NDUFS1: variants seen among roughly 807,000 people sequenced by gnomAD.
The protein encoded by NDUFS1 is NADH-ubiquinone oxidoreductase 75 kDa subunit, mitochondrial.
In NDUFS1, 61 loss-of-function variants were observed where a neutral mutation model predicts 84.4. That is an observed-to-expected ratio of 0.72 (90% CI 0.59 to 0.89). The LOEUF is 0.89. Ranked by LOEUF, NDUFS1 falls within the 40% of genes least tolerant of loss-of-function variation. The pLI is 0.00. For missense variants in NDUFS1, 891 were observed against 890.0 expected, an observed-to-expected ratio of 1.00 and a Z score of -0.01; for synonymous variants, 275 against 290.0, an observed-to-expected ratio of 0.95 and a Z score of 0.53.
chr2:206,144,509 T>C (rs1312306574), intron 9 of NDUFS1, among the ~76,000 whole-genome samples: 2 of 152,244 alleles, frequency 1.3e-5, no homozygotes, highest in Non-Finnish European at 2.9e-5. Flanking sequence ...CAAAATTATA[T>C]TGTGCAAACT....
chr2:206,157,546 C>T (rs1559069234), intron 1 of NDUFS1, among the ~76,000 whole-genome samples: 1 of 152,148 alleles, frequency 6.6e-6, no homozygotes, highest in Non-Finnish European at 1.5e-5. Flanking sequence ...AAACTTACTC[C>T]ATTAGAGCAC....
chr2:206,129,950 A>G, intron 15 of NDUFS1, 138 bp downstream of exon 15: 2 of 805,872 alleles, frequency 2.5e-6, no homozygotes, highest in Non-Finnish European at 4.0e-6. Flanking sequence ...TGGTTTGTTT[A>G]AAAAAAAAGG....
chr2:206,148,409 T>C (rs1224210692), intron 5 of NDUFS1, among the ~76,000 whole-genome samples: 1 of 152,096 alleles, frequency 6.6e-6, no homozygotes, highest in Non-Finnish European at 1.5e-5. Context: ...TCCTCCCGAG[T>C]ATCATTCTGG....
In NDUFS1 at chr2:206,124,189, C is replaced by T; in HGVS notation, c.2180G>A (p.Cys727Tyr). ...ACTGGGATCCTAGTAGAAGCTTCAG[C>T]ATATGGATGGTTCCTCTACTGCCTG... ...GAQAVEEPSI[C>Y] Residue 727 changes from cysteine (C) to tyrosine (Y), a missense_variant, in exon 19 of 19, where the codon TGC becomes TAC. By Grantham distance (194) the Cys-to-Tyr change is radical. Transcript: ENST00000233190. The T allele has an allele frequency of 6.2e-7, 1 of 1,604,880 alleles. No homozygotes were observed. Among genetic ancestry groups the T allele is most frequent in the Non-Finnish European group, 8.5e-7 (1 of 1,171,632 alleles).
At position 206,120,479 on chromosome 2, in the gene NDUFS1, A is replaced by C. The variant is rs1691065418; in HGVS notation, c.*3706T>G. 1 of 152,188 alleles carries C rather than the reference A, an allele frequency of 6.6e-6. No homozygotes were observed. Among genetic ancestry groups the C allele is most frequent in the South Asian group, 2.1e-4 (1 of 4,832 alleles). 9.4% of individuals were successfully genotyped at this position (152,188 alleles called of 1,614,324 possible). On this transcript the variant is annotated 3_prime_UTR_variant, in exon 19 of 19. Transcript: ENST00000233190. ...GATGAGGTCTCAGATGGAAATGAGG[A>C]AGTTATTGGGAACAGGAATAAAGGT...
At position 206,130,116 on chromosome 2, in the gene NDUFS1, C is replaced by T. The variant is rs1196850738; in HGVS notation, c.1680G>A (p.Leu560=). 3 of 1,614,020 alleles carry T rather than the reference C, an allele frequency of 1.9e-6. No individual in the cohort carries two copies. Among genetic ancestry groups the T allele is most frequent in the Non-Finnish European group, 2.5e-6 (3 of 1,180,026 alleles). Residue 560 remains leucine, a synonymous_variant, in exon 15 of 19, where the codon TTG becomes TTA. Coordinates refer to ENST00000233190, the MANE Select transcript of NDUFS1 (RefSeq NM_005006.7). ...ADGGCITRQD[L]PKDCFIIYQG... ...GATAAATAATGAAACAATCCTTTGG[C>T]AAATCCTGTCGTGTGATACAACCTC... is the stretch of plus-strand genomic sequence containing the variant.
At position 206,147,655 on chromosome 2, in the gene NDUFS1, A is replaced by T; in HGVS notation, c.427T>A (p.Ser143Thr). 6.2e-7 allele frequency: 1 copy of T among 1,614,168 alleles called. No individual in the cohort carries two copies. Among genetic ancestry groups the T allele is most frequent in the Non-Finnish European group, 8.5e-7 (1 of 1,180,036 alleles). ...QGGECDLQDQ[S>T]MMFGNDRSRF... ...CTCCTATCATTTCCAAACATCATGG[A>T]CTGGTCCTTAAGTAGATTATGAAAG... The change falls in exon 7 of 19, where the codon TCC becomes ACC. Residue 143 changes from serine to threonine, a missense_variant. Ser to Thr is a moderately conservative substitution (Grantham distance 58, BLOSUM62 1). Transcript: ENST00000233190.
intron 1 of NDUFS1, among the ~76,000 whole-genome samples, chr2:206,154,137 T>G (rs767668835): frequency 6.6e-6 from 1 of 152,244 alleles, no homozygotes; most frequent in Non-Finnish European, 1.5e-5. Flanking sequence ...TGAGATATTC[T>G]GAGATAGCTC....
At chr2:206,159,093 T>C (rs1270919159) in intron 1 of NDUFS1, 1 of 1,535,714 alleles carries the variant, frequency 6.5e-7, no homozygotes, top group South Asian at 1.2e-5. Context: ...CCTGCAAGCC[T>C]ACATTCGTGA....
chr2:206,142,855 CA>C, intron 10 of NDUFS1, 24 bp from the exon 11 acceptor site: 1 of 1,613,792 alleles, frequency 6.2e-7, no homozygotes, highest in Non-Finnish European at 8.5e-7. Flanking sequence ...AAAAGGGCAT[CA>C]CCAAGAAACC....
intron 2 of NDUFS1, among the ~76,000 whole-genome samples, chr2:206,153,316 C>A (rs1358591003): frequency 6.6e-6 from 1 of 151,784 alleles, no homozygotes; most frequent in Admixed American, 6.6e-5. Context: ...GTGCCTCAGC[C>A]TCCTGTGTAG....
intron 1 of NDUFS1, 65 bp downstream of exon 1, chr2:206,159,276 A>G: frequency 2.6e-6 from 2 of 783,308 alleles, no homozygotes; most frequent in East Asian, 2.7e-5. Context: ...CAAAGGAAAC[A>G]GTCCCGTCAA....
rs1691068292 is a variant in NDUFS1 at position 206,120,612 on chromosome 2, G to A, written c.*3573C>T. ...GATGACTTAGGGTATCAGGGTATCT[G>A]GCAGAAGAAATTTCTAAGCAGCAAA... On this transcript the variant is annotated 3_prime_UTR_variant, in exon 19 of 19. Coordinates refer to ENST00000233190, the MANE Select transcript of NDUFS1 (RefSeq NM_005006.7). 1 of 152,410 alleles carries A rather than the reference G, an allele frequency of 6.6e-6. No homozygotes were observed. The highest frequency in any genetic ancestry group is 2.4e-5 in the African/African-American group (1 of 41,440). The allele number at this position is 152,410 out of a possible 1,614,324, so 9.4% of individuals were successfully genotyped here.
In NDUFS1 at chr2:206,123,788, C is replaced by T; in HGVS notation, c.*397G>A. The T allele has an allele frequency of 6.0e-6, 1 of 167,548 alleles. No homozygotes were observed. The highest frequency in any genetic ancestry group is 1.3e-5 in the Non-Finnish European group (1 of 77,942). The allele number at this position is 167,548 out of a possible 1,614,324, so 10.4% of individuals were successfully genotyped here. A position where few individuals can be genotyped will look rare whatever the true frequency, so the allele number is the denominator to read the frequency against. On this transcript the variant is annotated 3_prime_UTR_variant, in exon 19 of 19. Coordinates refer to ENST00000233190, the MANE Select transcript of NDUFS1 (RefSeq NM_005006.7). Reference sequence around the variant, plus strand: ...TGATTATGTATTTTTCCTATTTACCCAGCTTGACAAGGTGCTTAAATCTTT... The same window carrying T: ...TGATTATGTATTTTTCCTATTTACCTAGCTTGACAAGGTGCTTAAATCTTT...
chr2:206,149,242 ATT>A (rs1456308103), intron 4 of NDUFS1, 146 bp from the exon 5 acceptor site: 1 of 675,776 alleles, frequency 1.5e-6, no homozygotes, highest in Non-Finnish European at 2.5e-6. Flanking sequence ...TTAAAACTGA[ATT>A]TTGTTAAGTT....
rs778298633 is a variant in NDUFS1, at chr2:206,126,848, C to T, written c.1885-4G>A. On this transcript the variant is annotated splice_region_variant and splice_polypyrimidine_tract_variant and intron_variant, in intron 16 of 18. Coordinates refer to ENST00000233190, the MANE Select transcript of NDUFS1 (RefSeq NM_005006.7). The stretch of plus-strand genomic sequence containing the variant: ...ATGGAAGAGTCATTCCAGCAATCTA[C>T]AACATGTCAGGTCCCCAAAAACAAC... The T allele has an allele frequency of 1.2e-6, 2 of 1,613,850 alleles. No individual in the cohort carries two copies. The highest frequency in any genetic ancestry group is 1.3e-5 in the African/African-American group (1 of 74,912).
At chr2:206,127,069 A>G (rs970074082) in intron 16 of NDUFS1, among the ~76,000 whole-genome samples, 2 of 152,248 alleles carry the variant, frequency 1.3e-5, no homozygotes, top group African/African-American at 2.4e-5. Context: ...CTATGAAATG[A>G]AGAGACAATA....
At chr2:206,151,107 C>T (rs1007179836) in intron 3 of NDUFS1, among the ~76,000 whole-genome samples, 31 of 152,040 alleles carry the variant, frequency 2.0e-4, no homozygotes, top group Non-Finnish European at 4.1e-4. Flanking sequence ...ATGCTTTTTC[C>T]TTGTCTCTTA....
chr2:206,128,639 A>G (rs972450592), intron 15 of NDUFS1, among the ~76,000 whole-genome samples: 2 of 151,376 alleles, frequency 1.3e-5, no homozygotes, highest in East Asian at 2.0e-4. Context: ...AATTAGCCCA[A>G]TGTGGTGGTG....
Sources: allele counts gnomAD v4.1 joint callset (sites outside exome capture counted in the v4.1 genomes callset), GRCh38; gene constraint gnomAD v4.1.1; transcripts MANE v1.5; gene names NCBI Gene and HGNC (gene_info 2026-07-23, HGNC 2026-07-21).